The following MEF2D variants were observed in gnomAD, a reference collection of about 807,000 sequenced individuals.
MEF2D encodes the protein myocyte enhancer factor 2D.
A neutral mutation model predicts 59.3 loss-of-function variants in MEF2D; 10 were observed. The ratio of observed to expected loss-of-function variants is 0.17; its 90% CI spans 0.10 to 0.29. The LOEUF is 0.29. Ranked by LOEUF, MEF2D falls within the 10% of genes least tolerant of loss-of-function variation. The pLI, the probability that MEF2D is intolerant of heterozygous loss-of-function variation, is 1.00. For missense variants in MEF2D, 508 were observed against 699.4 expected, an observed-to-expected ratio of 0.73 and a Z score of 3.09; for synonymous variants, 305 against 295.0, an observed-to-expected ratio of 1.03 and a Z score of -0.35.
intron 1 of MEF2D, among the ~76,000 whole-genome samples, chr1:156,489,083 T>C (rs937727184): frequency 6.6e-6 from 1 of 152,144 alleles, no homozygotes. Flanking sequence ...CAGCCTCGCA[T>C]CACAGAGCAG....
chr1:156,479,897 C>A lies in MEF2D; in HGVS notation c.397-101G>T, dbSNP rs1365535238. 1.3e-5 allele frequency: 15 copies of A among 1,174,294 alleles called. No homozygotes were observed. The South Asian group carries it at 1.6e-4, about 13-fold the overall frequency. The allele number at this position is 1,174,294 out of a possible 1,614,324, so 72.7% of individuals were successfully genotyped here. On this transcript the variant is annotated intron_variant, in intron 4 of 11. Coordinates refer to ENST00000348159, the MANE Select transcript of MEF2D (RefSeq NM_005920.4). Reference sequence around the variant, plus strand: ...GGCAAGGGTTCTTCTCATTTCTGGGCTACGCATCCTAGGGCCAGCAGTTCA... The same window carrying A: ...GGCAAGGGTTCTTCTCATTTCTGGGATACGCATCCTAGGGCCAGCAGTTCA...
intron 1 of MEF2D, among the ~76,000 whole-genome samples, chr1:156,485,303 G>T (rs935748373): frequency 6.6e-6 from 1 of 152,132 alleles, no homozygotes; most frequent in African/African-American, 2.4e-5. Context: ...TACCACAGTA[G>T]ATGCTAAAGT....
chr1:156,483,751 T>C (rs1294140732), intron 1 of MEF2D, among the ~76,000 whole-genome samples: 1 of 152,248 alleles, frequency 6.6e-6, no homozygotes, highest in Non-Finnish European at 1.5e-5. Context: ...TAGAACCTGC[T>C]TGTACTATAG....
At chr1:156,485,846 CT>C (rs977417772) in intron 1 of MEF2D, among the ~76,000 whole-genome samples, 16 of 149,076 alleles carry the variant, frequency 1.1e-4, no homozygotes, top group Non-Finnish European at 2.2e-4. Context: ...ATTTTTTTGA[CT>C]TTTTTTTTCT....
chr1:156,492,057 G>A (rs1029231828), intron 1 of MEF2D, among the ~76,000 whole-genome samples: 1 of 152,258 alleles, frequency 6.6e-6, no homozygotes, highest in African/African-American at 2.4e-5. Context: ...AAATCACGAG[G>A]AATAAGCAAG....
At position 156,467,638 on chromosome 1, in the gene MEF2D, G is replaced by GGAATC; in HGVS notation, c.*2_*6dup. On this transcript the variant is annotated 3_prime_UTR_variant, in exon 12 of 12. Coordinates refer to ENST00000348159, the MANE Select transcript of MEF2D (RefSeq NM_005920.4). ...CAGGGAGGCTGAGAGGAGGGGAGTG[G>GGAATC]GAATCGTCACTTTAATGTCTGTGAA... 7.6e-7 allele frequency: 1 copy of GGAATC among 1,321,624 alleles called. No homozygotes were observed. Among genetic ancestry groups the GGAATC allele is most frequent in the Non-Finnish European group, 9.7e-7 (1 of 1,026,596 alleles). The allele number at this position is 1,321,624 out of a possible 1,614,324, so 81.9% of individuals were successfully genotyped here. A position where few individuals can be genotyped will look rare whatever the true frequency, so the allele number is the denominator to read the frequency against.
chr1:156,490,678 C>G (rs916553440), intron 1 of MEF2D: 1 of 152,326 alleles, frequency 6.6e-6, no homozygotes, highest in South Asian at 2.1e-4. Context: ...CCAAGGGGAG[C>G]ACACGGTATG....
intron 7 of MEF2D, 143 bp downstream of exon 7, chr1:156,476,869 A>C: frequency 2.0e-6 from 2 of 1,017,132 alleles, no homozygotes; most frequent in Non-Finnish European, 2.9e-6. Flanking sequence ...GAAAAATCTC[A>C]TAAAAAGCCA....
chr1:156,478,531 T>C lies in MEF2D; in HGVS notation c.664+759A>G, dbSNP rs553666417. On this transcript the variant is annotated intron_variant, in intron 6 of 11. Coordinates refer to ENST00000348159, the MANE Select transcript of MEF2D (RefSeq NM_005920.4). ...TGGGGGGCAGCCTTTCTTCTGTGGC[T>C]TATTTTTTTATTTTTTGAGACGGAG... 1.8e-4 allele frequency among the ~76,000 whole-genome samples: 27 copies of C among 152,242 alleles called. No individual in the cohort carries two copies. The East Asian group carries it at 5.0e-3, about 28-fold the overall frequency.
chr1:156,496,895 T>C (rs1185201175), intron 1 of MEF2D, among the ~76,000 whole-genome samples: 2 of 152,160 alleles, frequency 1.3e-5, no homozygotes, highest in African/African-American at 2.4e-5. Flanking sequence ...CTCAGAATAC[T>C]TTCAGCCATA....
chr1:156,486,015 A>G (rs1672336223), intron 1 of MEF2D, among the ~76,000 whole-genome samples: 1 of 151,830 alleles, frequency 6.6e-6, no homozygotes, highest in Non-Finnish European at 1.5e-5. Context: ...ACACCTGGCT[A>G]ACTTTTGTAT....
intron 3 of MEF2D, 137 bp from the exon 4 acceptor site, chr1:156,481,108 C>T: frequency 1.2e-5 from 15 of 1,241,166 alleles, no homozygotes; most frequent in Non-Finnish European, 1.6e-5. Flanking sequence ...CTCCCTGGCC[C>T]CTCCCCACTG....
chr1:156,496,349 C>G (rs543817562), intron 1 of MEF2D, among the ~76,000 whole-genome samples: 44 of 152,204 alleles, frequency 2.9e-4, no homozygotes, highest in Non-Finnish European at 1.5e-5. Context: ...AAACTCTGTA[C>G]ATCTGGAAAG....
At chr1:156,494,900 T>G (rs1372233068) in intron 1 of MEF2D, among the ~76,000 whole-genome samples, 1 of 152,188 alleles carries the variant, frequency 6.6e-6, no homozygotes. Context: ...CGGGGAGTTC[T>G]AGCACATTCC....
intron 1 of MEF2D, among the ~76,000 whole-genome samples, chr1:156,485,867 T>A (rs1472266439): frequency 1.3e-5 from 2 of 151,190 alleles, no homozygotes; most frequent in Non-Finnish European, 3.0e-5. Context: ...TTTTTTTTTG[T>A]GAGACAGAGT....
intron 7 of MEF2D, among the ~76,000 whole-genome samples, chr1:156,476,743 T>C (rs756991598): frequency 3.3e-5 from 5 of 152,164 alleles, no homozygotes; most frequent in Non-Finnish European, 5.9e-5. Context: ...CCTCCTGCTA[T>C]AGTGGCAAAT....
chr1:156,479,049 G>C (rs1203014709), intron 6 of MEF2D, among the ~76,000 whole-genome samples: 2 of 152,160 alleles, frequency 1.3e-5, no homozygotes, highest in African/African-American at 4.8e-5. Context: ...TAGAAATGCT[G>C]GCCCATTCTC....
At chr1:156,496,931 AT>A (rs1478617200) in intron 1 of MEF2D, among the ~76,000 whole-genome samples, 1 of 152,234 alleles carries the variant, frequency 6.6e-6, no homozygotes. Flanking sequence ...AAGAAGATAA[AT>A]ATTCCGAGAT....
chr1:156,475,671 C>T (rs577226198), intron 8 of MEF2D, among the ~76,000 whole-genome samples: 5 of 152,208 alleles, frequency 3.3e-5, no homozygotes, highest in Non-Finnish European at 7.3e-5. Flanking sequence ...TGTGCCTGCG[C>T]GTATGCACAC....
Sources: allele counts gnomAD v4.1 joint callset (sites outside exome capture counted in the v4.1 genomes callset), GRCh38; gene constraint gnomAD v4.1.1; transcripts MANE v1.5; gene names NCBI Gene and HGNC (gene_info 2026-07-23, HGNC 2026-07-21).